The following TRIP11 variants were observed in gnomAD, a reference collection of about 807,000 sequenced individuals.
TRIP11 encodes thyroid receptor-interacting protein 11.
In TRIP11, 148 loss-of-function variants were observed where a neutral mutation model predicts 223.1. That is an observed-to-expected ratio of 0.66 (90% CI 0.58 to 0.76). The LOEUF is 0.76. TRIP11 is among the 30% of genes least tolerant of loss of function. The probability of loss-of-function intolerance (pLI) is 0.00; values close to 1 mark genes in which losing one functional copy is unlikely to be tolerated. For missense variants in TRIP11, 2,043 were observed against 2,222.0 expected (o/e 0.92, Z 1.62); for synonymous variants, 762 against 772.6 (o/e 0.99, Z 0.23).
intron 7 of TRIP11, among the ~76,000 whole-genome samples, chr14:92,013,691 G>A (rs2057001577): frequency 6.6e-6 from 1 of 152,218 alleles, no homozygotes; most frequent in Admixed American, 6.5e-5. Context: ...TTAGTCTTAT[G>A]TAAGTAAATT....
chr14:92,023,008 T>C (rs889121516), intron 3 of TRIP11, among the ~76,000 whole-genome samples: 1 of 152,174 alleles, frequency 6.6e-6, no homozygotes, highest in Non-Finnish European at 1.5e-5. Context: ...TCGTAAAAAG[T>C]ACTAAAATCC....
In TRIP11 at chr14:92,033,444, A is replaced by C. The variant is rs145227785; in HGVS notation, c.140-191T>G. On this transcript the variant is annotated intron_variant, in intron 1 of 20. Transcript: ENST00000267622. ...ACACTAATGTTCTTCATTGTCATAA[A>C]AGTCATTCTTTTTGCCTATGCCCTG... Among the ~76,000 whole-genome samples, 12 of 152,332 alleles carry C rather than the reference A, an allele frequency of 7.9e-5. No homozygotes were observed. In the East Asian group the frequency reaches 2.3e-3, roughly 29 times the overall value.
intron 2 of TRIP11, among the ~76,000 whole-genome samples, 193 bp downstream of exon 2, chr14:92,032,999 C>T (rs1259164262): frequency 6.6e-6 from 1 of 151,960 alleles, no homozygotes; most frequent in Non-Finnish European, 1.5e-5. Flanking sequence ...TAAAGAATAG[C>T]AAACTGCAGT....
At chr14:92,018,991 T>A (rs1161953254) in intron 4 of TRIP11, among the ~76,000 whole-genome samples, 2 of 149,394 alleles carry the variant, frequency 1.3e-5, no homozygotes, top group Admixed American at 6.7e-5. Flanking sequence ...AAAAAAAAAC[T>A]TTCAGTTTCC....
At chr14:92,034,150 C>T (rs914856005) in intron 1 of TRIP11, among the ~76,000 whole-genome samples, 6 of 152,054 alleles carry the variant, frequency 3.9e-5, no homozygotes, top group African/African-American at 1.4e-4. Context: ...AGGTCAGGTA[C>T]GGTGGCTCAC....
At position 92,039,577 on chromosome 14, in the gene TRIP11, T is replaced by C. The variant is rs1182948310; in HGVS notation, c.109A>G (p.Met37Val). The change falls in exon 1 of 21, where the codon ATG becomes GTG. Residue 37 changes from methionine (M) to valine (V), a missense_variant. Met to Val is a conservative substitution (Grantham distance 21). Coordinates refer to ENST00000267622, the MANE Select transcript of TRIP11 (RefSeq NM_004239.4). Reference sequence around the variant, plus strand: ...ACTTCCTCCGTGCCCTCCATCAGCATATCCTTTGTAAAGTTTGATATCTGG... The same window carrying C: ...ACTTCCTCCGTGCCCTCCATCAGCACATCCTTTGTAAAGTTTGATATCTGG... Reference protein sequence around the residue: ...TGQISNFTKDMLMEGTEEVEA... With the variant: ...TGQISNFTKDVLMEGTEEVEA... 1.2e-6 allele frequency: 2 copies of C among 1,613,862 alleles called. No individual in the cohort carries two copies. Among genetic ancestry groups the C allele is most frequent in the African/African-American group, 1.3e-5 (1 of 74,914 alleles).
At chr14:91,992,192 G>GCATA (rs1042464122) in intron 15 of TRIP11, among the ~76,000 whole-genome samples, 2 of 147,256 alleles carry the variant, frequency 1.4e-5, no homozygotes, top group Admixed American at 1.4e-4. Context: ...ACAATGGATT[G>GCATA]TTTGGAGCGT....
rs2056740472 is a variant in TRIP11, at chr14:91,995,597, ATTACT to A, written c.4893-87_4893-83del. ...GAAGAAGCCACCTTCCCTACATCTT[ATTACT>A]TTATTTTATTTTATTTCTTTTTTTT... On this transcript the variant is annotated intron_variant, in intron 13 of 20. Transcript: ENST00000267622. 9 of 1,347,606 alleles carry A rather than the reference ATTACT, an allele frequency of 6.7e-6. No homozygotes were observed. The South Asian group carries it at 9.1e-5, about 14-fold the overall frequency. 83.5% of individuals were successfully genotyped at this position (1,347,606 alleles called of 1,614,324 possible).
At chr14:92,014,044 C>T (rs139330808) in intron 7 of TRIP11, among the ~76,000 whole-genome samples, 171 bp downstream of exon 7, 1 of 152,322 alleles carries the variant, frequency 6.6e-6, no homozygotes, top group African/African-American at 2.4e-5. Flanking sequence ...TATTTGCAAT[C>T]TATTAACTCT....
chr14:91,980,338 G>C (rs962589615), intron 16 of TRIP11, among the ~76,000 whole-genome samples: 1 of 152,130 alleles, frequency 6.6e-6, no homozygotes, highest in Admixed American at 6.5e-5. Context: ...TATTTCATGA[G>C]TAAGCTCCTG....
intron 9 of TRIP11, among the ~76,000 whole-genome samples, chr14:92,009,261 T>C (rs1452302582): frequency 6.6e-6 from 1 of 152,220 alleles, no homozygotes; most frequent in African/African-American, 2.4e-5. Flanking sequence ...CTCGAACTCC[T>C]GGCCTTGAGC....
chr14:91,987,610 C>G (rs571583440), intron 16 of TRIP11, among the ~76,000 whole-genome samples: 1 of 152,196 alleles, frequency 6.6e-6, no homozygotes, highest in Admixed American at 6.5e-5. Context: ...AACCCTGAAT[C>G]ATTACCTACT....
At chr14:91,988,921 A>G (rs2056639569) in intron 15 of TRIP11, among the ~76,000 whole-genome samples, 1 of 152,180 alleles carries the variant, frequency 6.6e-6, no homozygotes, top group Non-Finnish European at 1.5e-5. Context: ...CATCTGTAAG[A>G]GCACCTTGTA....
rs59800978 is a variant in TRIP11 at position 91,976,033 on chromosome 14, T to C, written c.5342+75A>G. 8.6e-3 allele frequency: 12,095 copies of C among 1,412,972 alleles called. 437 individuals are homozygous for C. In the East Asian group the frequency reaches 0.091, roughly 11 times the overall value. The allele number at this position is 1,412,972 out of a possible 1,614,324, so 87.5% of individuals were successfully genotyped here. On this transcript the variant is annotated intron_variant, in intron 17 of 20. Transcript: ENST00000267622. ...AAAAATTTAATCACATATAAACATCTACATTTAGAAGTTTTTTTTTAACCA... is the reference window on the plus strand; with the variant it reads ...AAAAATTTAATCACATATAAACATCCACATTTAGAAGTTTTTTTTTAACCA...
chr14:91,984,633 C>T (rs1016405787), intron 16 of TRIP11, among the ~76,000 whole-genome samples: 1 of 152,032 alleles, frequency 6.6e-6, no homozygotes, highest in African/African-American at 2.4e-5. Context: ...TTTCAATTAG[C>T]AGGAATTTAT....
intron 5 of TRIP11, among the ~76,000 whole-genome samples, chr14:92,017,439 A>T (rs1482708327): frequency 6.6e-6 from 1 of 152,074 alleles, no homozygotes. Flanking sequence ...TCCCAGTTAC[A>T]TGGGAAGCTG....
Position 92,039,580 on chromosome 14 carries a change from C to A in TRIP11, c.106G>T (p.Asp36Tyr), listed in dbSNP as rs766368783. 1 of 1,613,952 alleles carries A rather than the reference C, an allele frequency of 6.2e-7. No individual in the cohort carries two copies. Among genetic ancestry groups the A allele is most frequent in the East Asian group, 2.2e-5 (1 of 44,876 alleles). The change falls in exon 1 of 21, where the codon GAT becomes TAT. Residue 36 changes from aspartate (D) to tyrosine (Y), a missense_variant. Asp to Tyr is a radical substitution (Grantham distance 160). Transcript: ENST00000267622. The part of the protein sequence containing the change: ...LTGQISNFTK[D>Y]MLMEGTEEVE... The stretch of plus-strand genomic sequence containing the variant: ...TCCTCCGTGCCCTCCATCAGCATAT[C>A]CTTTGTAAAGTTTGATATCTGGCCA...
chr14:92,039,662 G>A lies in TRIP11; in HGVS notation c.24C>T (p.Leu8=), dbSNP rs753822607. 5.6e-6 allele frequency: 9 copies of A among 1,612,406 alleles called. No homozygotes were observed. The highest frequency in any genetic ancestry group is 1.1e-5 in the South Asian group (1 of 90,624). The change falls in exon 1 of 21, where the codon CTC becomes CTT. Residue 8 remains leucine, a synonymous_variant. Transcript: ENST00000267622. MSSWLGG[L]GSGLGQSLGQ... The stretch of plus-strand genomic sequence containing the variant: ...CCAGAGACTGGCCCAATCCGGAGCC[G>A]AGGCCCCCAAGCCAGGACGACATCG...
intron 1 of TRIP11, among the ~76,000 whole-genome samples, chr14:92,033,984 A>T (rs1204108191): frequency 6.6e-6 from 1 of 152,130 alleles, no homozygotes; most frequent in Non-Finnish European, 1.5e-5. Flanking sequence ...ACTGTATGAG[A>T]GTGAAGTTTG....
Sources: allele counts gnomAD v4.1 joint callset (sites outside exome capture counted in the v4.1 genomes callset), GRCh38; gene constraint gnomAD v4.1.1; transcripts MANE v1.5; gene names NCBI Gene and HGNC (gene_info 2026-07-23, HGNC 2026-07-21).